The following MAST3 variants were observed in gnomAD, a reference collection of about 807,000 sequenced individuals.
MAST3 encodes microtubule-associated serine/threonine-protein kinase 3.
In MAST3, 43 loss-of-function variants were observed where a neutral mutation model predicts 127.0. That is an observed-to-expected ratio of 0.34 (90% CI 0.27 to 0.44). MAST3 has a LOEUF of 0.44. Among genes scored for constraint, MAST3 ranks in the 20% least tolerant of loss-of-function variants. MAST3 has a pLI of 1.00. For synonymous variants in MAST3, 785 were observed against 809.2 expected (o/e 0.97, Z 0.51); for missense variants, 1,390 against 1,919.1 (o/e 0.72, Z 5.15).
Position 18,110,255 on chromosome 19 carries a change from G to C in MAST3, c.72-397G>C. ...CGTCGGTCCGCTCGCGCCACGATCAGGGCTTCCGGGGGCCAACAAGGGGGC... is the reference window on the plus strand; with the variant it reads ...CGTCGGTCCGCTCGCGCCACGATCACGGCTTCCGGGGGCCAACAAGGGGGC... On this transcript the variant is annotated intron_variant, in intron 2 of 27. Coordinates refer to ENST00000687212, the MANE Select transcript of MAST3 (RefSeq NM_001393504.1). The surrounding 1 kb of genome is among the most constrained non-coding windows in gnomAD (Gnocchi z 4.3). The C allele has an allele frequency of 1.0e-6, 1 of 985,558 alleles. No homozygotes were observed. The highest frequency in any genetic ancestry group is 1.2e-6 in the Non-Finnish European group (1 of 830,022). 61.1% of individuals were successfully genotyped at this position (985,558 alleles called of 1,614,324 possible). A position where few individuals can be genotyped will look rare whatever the true frequency, so the allele number is the denominator to read the frequency against.
intron 3 of MAST3, among the ~76,000 whole-genome samples, chr19:18,111,801 G>A (rs909448559): frequency 1.3e-5 from 2 of 152,026 alleles, no homozygotes; most frequent in East Asian, 1.9e-4. Flanking sequence ...ACAGGCATAA[G>A]CCACACGCTG....
intron 1 of MAST3, among the ~76,000 whole-genome samples, chr19:18,104,886 A>T (rs985829679): frequency 4.6e-5 from 7 of 152,200 alleles, no homozygotes; most frequent in African/African-American, 1.7e-4. Context: ...CAGCAGCAAT[A>T]GTAATGGCTG....
At chr19:18,134,036 C>G (rs1016913901) in intron 15 of MAST3, among the ~76,000 whole-genome samples, 16 of 152,058 alleles carry the variant, frequency 1.1e-4, no homozygotes, top group Non-Finnish European at 2.1e-4. Flanking sequence ...CCAGAGAATT[C>G]ACTGTGTATA....
intron 11 of MAST3, 94 bp from the exon 12 acceptor site, chr19:18,128,306 C>T: frequency 1.0e-6 from 1 of 989,160 alleles, no homozygotes; most frequent in Non-Finnish European, 1.5e-6. Flanking sequence ...GCATCCCCAG[C>T]CTGGGGTGAG....
In MAST3 at chr19:18,124,350, G is replaced by A. The variant is rs1391992950; in HGVS notation, c.929G>A (p.Arg310Gln). Residue 310 changes from arginine to glutamine, a missense_variant, in exon 10 of 28, where the codon CGG becomes CAG. By Grantham distance (43) the Arg-to-Gln change is conservative. This residue lies in a region of MAST3 where 277 missense variants were observed against 384.8 expected (regional missense o/e 0.72). Coordinates refer to ENST00000687212, the MANE Select transcript of MAST3 (RefSeq NM_001393504.1). ...CTGATCATCATCTCACGGCCAGCTC[G>A]GCTGCTGGAGTGTCTGGTAAGTTTC... ...KLLIIISRPA[R>Q]LLECLEFDPE... is the part of the protein sequence containing the mutation. 6.2e-7 allele frequency: 1 copy of A among 1,603,622 alleles called. No homozygotes were observed.
chr19:18,138,334 T>G lies in MAST3; in HGVS notation c.2096-681T>G, dbSNP rs1250290295. On this transcript the variant is annotated intron_variant, in intron 19 of 27. Transcript: ENST00000687212. ...TCCCACAACCTGTTTTTTTTTTTTTTGAGACGGAGTCTCACTCTGTCGCCC... is the reference window on the plus strand; with the variant it reads ...TCCCACAACCTGTTTTTTTTTTTTTGGAGACGGAGTCTCACTCTGTCGCCC... Among the ~76,000 whole-genome samples the G allele has an allele frequency of 2.7e-5, 3 of 111,134 alleles. No homozygotes were observed. In the East Asian group the frequency reaches 8.0e-4, roughly 30 times the overall value. 72.9% of individuals were successfully genotyped at this position (111,134 alleles called of 152,430 possible).
At chr19:18,121,182 G>A (rs1438351812) in intron 3 of MAST3, among the ~76,000 whole-genome samples, 1 of 151,918 alleles carries the variant, frequency 6.6e-6, no homozygotes, top group African/African-American at 2.4e-5. Flanking sequence ...AAGAGAGAGG[G>A]CCTTGTGCTG....
intron 21 of MAST3, among the ~76,000 whole-genome samples, chr19:18,143,132 AAAAC>A (rs2042688573): frequency 6.6e-6 from 1 of 151,742 alleles, no homozygotes; most frequent in Non-Finnish European, 1.5e-5. Flanking sequence ...AACAAAACAA[AAAAC>A]AAAAAATTGC....
Position 18,147,435 on chromosome 19 carries a change from T to A in MAST3, c.3327-8T>A. On this transcript the variant is annotated splice_polypyrimidine_tract_variant and splice_region_variant and intron_variant, in intron 26 of 27. Coordinates refer to ENST00000687212, the MANE Select transcript of MAST3 (RefSeq NM_001393504.1). ...GGGGTTCTGAAGCCTCCGGTTTTCT[T>A]ACCCCAGGCGGAAGTCACTTTTCAA... is the stretch of plus-strand genomic sequence containing the variant. 2 of 1,613,076 alleles carry A rather than the reference T, an allele frequency of 1.2e-6. No homozygotes were observed. Among genetic ancestry groups the A allele is most frequent in the South Asian group, 1.1e-5 (1 of 90,934 alleles).
chr19:18,114,192 CTT>C (rs59829048), intron 3 of MAST3, among the ~76,000 whole-genome samples: 8 of 141,090 alleles, frequency 5.7e-5, no homozygotes, highest in Admixed American at 1.4e-4. Context: ...TTTTCTTTTT[CTT>C]TTTTTTTTTT....
intron 1 of MAST3, among the ~76,000 whole-genome samples, chr19:18,099,109 G>A (rs1225528573): frequency 6.6e-6 from 1 of 151,482 alleles, no homozygotes; most frequent in Non-Finnish European, 1.5e-5. Context: ...CTCCGGGCGG[G>A]TTGAGGGGGT....
At chr19:18,107,841 G>C (rs2038194362) in intron 2 of MAST3, among the ~76,000 whole-genome samples, 1 of 152,110 alleles carries the variant, frequency 6.6e-6, no homozygotes, top group Admixed American at 6.6e-5. Flanking sequence ...AGGTGCAAAG[G>C]GGTTTCATCA....
chr19:18,149,167 C>G lies in MAST3; in HGVS notation c.3509-24C>G. 6.8e-7 allele frequency: 1 copy of G among 1,468,708 alleles called. No homozygotes were observed. The highest frequency in any genetic ancestry group is 1.4e-5 in the South Asian group (1 of 70,764). 91.0% of individuals were successfully genotyped at this position (1,468,708 alleles called of 1,614,324 possible). On this transcript the variant is annotated intron_variant, in intron 27 of 27. Coordinates refer to ENST00000687212, the MANE Select transcript of MAST3 (RefSeq NM_001393504.1). The surrounding 1 kb of genome is among the most constrained non-coding windows in gnomAD (Gnocchi z 5.9). ...GCTGGGGACATTGAGGCCAGCAGCC[C>G]TGACCTACGCTTATCACCCACAGAT...
chr19:18,103,015 C>T (rs1336603969), intron 1 of MAST3, among the ~76,000 whole-genome samples: 1 of 152,140 alleles, frequency 6.6e-6, no homozygotes, highest in Non-Finnish European at 1.5e-5. Context: ...ATAAATATTA[C>T]CTTTAAAGGG....
intron 6 of MAST3, 69 bp downstream of exon 6, chr19:18,122,820 G>T (rs1489799280): frequency 1.5e-5 from 22 of 1,487,496 alleles, no homozygotes; most frequent in Middle Eastern, 1.7e-4. Context: ...ATCTTTGTGT[G>T]TTTTTTTCAA....
Position 18,145,325 on chromosome 19 carries a change from T to G in MAST3, c.3039+96T>G, listed in dbSNP as rs1599902434. ...AGCTGCATTTTGGAGCCTGGCAGGG[T>G]TAGGTAGATAGAGCTGGTGCCACCG... On this transcript the variant is annotated intron_variant, in intron 24 of 27. Transcript: ENST00000687212. The surrounding 1 kb of genome is among the most constrained non-coding windows in gnomAD (Gnocchi z 5.9). The G allele has an allele frequency of 8.2e-7, 1 of 1,219,954 alleles. No homozygotes were observed. Among genetic ancestry groups the G allele is most frequent in the Non-Finnish European group, 1.2e-6 (1 of 838,176 alleles). The allele number at this position is 1,219,954 out of a possible 1,614,324, so 75.6% of individuals were successfully genotyped here.
At chr19:18,122,155 G>A (rs2040062632) in intron 5 of MAST3, 1 of 983,550 alleles carries the variant, frequency 1.0e-6, no homozygotes, top group African/African-American at 1.7e-5. Context: ...AGGGGGTGGG[G>A]GGTCATGGGG....
chr19:18,111,374 G>T (rs977277268), intron 3 of MAST3, among the ~76,000 whole-genome samples: 11 of 152,058 alleles, frequency 7.2e-5, no homozygotes, highest in Admixed American at 1.3e-4. Context: ...GACTGGCCAG[G>T]TTTCAGGACA....
chr19:18,106,832 A>C (rs2038106851), intron 1 of MAST3, among the ~76,000 whole-genome samples: 1 of 151,386 alleles, frequency 6.6e-6, no homozygotes, highest in Non-Finnish European at 1.5e-5. Flanking sequence ...CAGCCTCCCA[A>C]AGCTCTGGGA....
Sources: allele counts gnomAD v4.1 joint callset (sites outside exome capture counted in the v4.1 genomes callset), GRCh38; gene constraint gnomAD v4.1.1; regional missense constraint gnomAD v4.1.1; non-coding constraint Gnocchi (gnomAD v3.1); transcripts MANE v1.5; gene names NCBI Gene and HGNC (gene_info 2026-07-23, HGNC 2026-07-21).